ARHGEF28: variants seen among roughly 807,000 people sequenced by gnomAD.
ARHGEF28 encodes the protein 190 kDa guanine nucleotide exchange factor.
A neutral mutation model predicts 206.6 loss-of-function variants in ARHGEF28; 152 were observed. The ratio of observed to expected loss-of-function variants is 0.74; its 90% confidence interval spans 0.64 to 0.84. ARHGEF28 has a LOEUF of 0.84. Ranked by LOEUF, ARHGEF28 falls within the 40% of genes least tolerant of loss-of-function variation. ARHGEF28 has a pLI of 0.00. For missense variants in ARHGEF28, 2,028 were observed against 2,073.2 expected (o/e 0.98, Z 0.42); for synonymous variants, 763 against 776.4 (o/e 0.98, Z 0.29).
At chr5:73,663,783 A>G (rs186590602) in intron 1 of ARHGEF28, among the ~76,000 whole-genome samples, 199 of 152,330 alleles carry the variant, frequency 1.3e-3, no homozygotes, top group Non-Finnish European at 1.5e-3. Flanking sequence ...GGAGTGTTGT[A>G]GGAAAGTTCT....
intron 35 of ARHGEF28, among the ~76,000 whole-genome samples, chr5:73,911,883 A>T (rs113272982): frequency 2.9e-4 from 44 of 152,276 alleles, no homozygotes; most frequent in African/African-American, 9.6e-4. Flanking sequence ...AAGCAACTTG[A>T]TATTTACTCC....
intron 4 of ARHGEF28, among the ~76,000 whole-genome samples, chr5:73,762,584 A>G (rs1023614732): frequency 1.3e-5 from 2 of 152,170 alleles, no homozygotes; most frequent in African/African-American, 4.8e-5. Context: ...ACAGGTATAT[A>G]AGTATTACAT....
chr5:73,853,329 GC>G (rs1198364635), intron 14 of ARHGEF28, among the ~76,000 whole-genome samples: 9 of 152,202 alleles, frequency 5.9e-5, no homozygotes, highest in African/African-American at 2.2e-4. Context: ...CTGTGAAATA[GC>G]CCCAGGGTTG....
chr5:73,716,132 T>A (rs940106730), intron 2 of ARHGEF28, among the ~76,000 whole-genome samples: 1 of 152,210 alleles, frequency 6.6e-6, no homozygotes, highest in Non-Finnish European at 1.5e-5. Flanking sequence ...AAGACTAATT[T>A]TTTTTTTATG....
intron 7 of ARHGEF28, among the ~76,000 whole-genome samples, chr5:73,783,473 G>A (rs182121951): frequency 6.6e-6 from 1 of 152,040 alleles, no homozygotes; most frequent in Non-Finnish European, 1.5e-5. Flanking sequence ...ATGGCTGTAC[G>A]TGAAGCAAGT....
At chr5:73,768,312 G>A (rs533399140) in intron 4 of ARHGEF28, among the ~76,000 whole-genome samples, 2 of 152,162 alleles carry the variant, frequency 1.3e-5, no homozygotes, top group East Asian at 1.9e-4. Flanking sequence ...GACAGCTTGC[G>A]CTGTGTGCCT....
At chr5:73,687,554 C>A (rs1481357008) in intron 2 of ARHGEF28, among the ~76,000 whole-genome samples, 1 of 151,926 alleles carries the variant, frequency 6.6e-6, no homozygotes, top group Non-Finnish European at 1.5e-5. Context: ...CAAAATCTAC[C>A]AAATGGGTAA....
At chr5:73,707,503 C>G (rs1297783692) in intron 2 of ARHGEF28, among the ~76,000 whole-genome samples, 1 of 152,162 alleles carries the variant, frequency 6.6e-6, no homozygotes, top group Middle Eastern at 3.4e-3. Flanking sequence ...AAAGAGCAGG[C>G]CTATAAATGG....
intron 9 of ARHGEF28, among the ~76,000 whole-genome samples, chr5:73,825,311 AAGTG>A (rs1372102990): frequency 6.6e-6 from 1 of 152,198 alleles, no homozygotes; most frequent in Non-Finnish European, 1.5e-5. Context: ...GATGAGAAGA[AAGTG>A]AGAAAGCAAG....
At chr5:73,814,857 A>G (rs1756086077) in intron 9 of ARHGEF28, among the ~76,000 whole-genome samples, 1 of 152,174 alleles carries the variant, frequency 6.6e-6, no homozygotes, top group African/African-American at 2.4e-5. Flanking sequence ...GGCCAACCCC[A>G]GGAATAAGAT....
chr5:73,812,628 G>A (rs754490906), intron 9 of ARHGEF28, among the ~76,000 whole-genome samples: 10 of 152,158 alleles, frequency 6.6e-5, no homozygotes, highest in Non-Finnish European at 1.2e-4. Flanking sequence ...TTATGGGGAG[G>A]CAGTAATGAG....
rs2931421 is a variant in ARHGEF28 at position 73,868,436 on chromosome 5, C to T, written c.2425+209C>T. 0.63 allele frequency among the ~76,000 whole-genome samples: 95,251 copies of T among 151,850 alleles called. 30,486 individuals carry two copies. The highest frequency in any genetic ancestry group is 0.75 in the African/African-American group (31,155 of 41,424). The stretch of plus-strand genomic sequence containing the variant: ...CCAGAGAGTGACCAAGGAAATATGA[C>T]GTAAATTTTAAATAGACATATTACT... On this transcript the variant is annotated intron_variant, in intron 20 of 35. Coordinates refer to ENST00000513042, the MANE Select transcript of ARHGEF28 (RefSeq NM_001177693.2).
At chr5:73,757,536 A>G (rs1478891978) in intron 4 of ARHGEF28, among the ~76,000 whole-genome samples, 1 of 152,034 alleles carries the variant, frequency 6.6e-6, no homozygotes, top group African/African-American at 2.4e-5. Flanking sequence ...TCAATCATTG[A>G]GAGTTATTAG....
intron 35 of ARHGEF28, among the ~76,000 whole-genome samples, chr5:73,926,984 A>C (rs901975272): frequency 6.6e-6 from 1 of 152,180 alleles, no homozygotes; most frequent in Non-Finnish European, 1.5e-5. Context: ...AGTTAATTAC[A>C]TGGTAATGCC....
At chr5:73,870,884 C>T in intron 21 of ARHGEF28, among the ~76,000 whole-genome samples, 1 of 152,190 alleles carries the variant, frequency 6.6e-6, no homozygotes, top group Non-Finnish European at 1.5e-5. Flanking sequence ...AGATACCCTA[C>T]TTTAAAGATA....
In ARHGEF28 at chr5:73,927,300, C is replaced by T. The variant is rs940733725; in HGVS notation, c.4949-13544C>T. Among the ~76,000 whole-genome samples the T allele has an allele frequency of 4.0e-4, 61 of 152,140 alleles. 1 individual carries two copies. Among genetic ancestry groups the T allele is most frequent in the African/African-American group, 1.3e-3 (53 of 41,422 alleles). On this transcript the variant is annotated intron_variant, in intron 35 of 35. Transcript: ENST00000513042. ...GCTGAGGCAGGAGGATCACATGAGC[C>T]TGGGAGGCTGCAGTAAGCTGTGGTC...
Position 73,827,326 on chromosome 5 carries a change from CATT to C in ARHGEF28, c.1025-5009_1025-5007del, listed in dbSNP as rs146465791. ...CCTTGGGTTGTTTTTGAATGTGTAACATTATAGCAGGGGTTGAAATTATTTTTA... is the reference window on the plus strand; with the variant it reads ...CCTTGGGTTGTTTTTGAATGTGTAACATAGCAGGGGTTGAAATTATTTTTA... On this transcript the variant is annotated intron_variant, in intron 9 of 35. Transcript: ENST00000513042. Among the ~76,000 whole-genome samples, 403 of 152,182 alleles carry C rather than the reference CATT, an allele frequency of 2.6e-3. 1 individual carries two copies. Among genetic ancestry groups the C allele is most frequent in the African/African-American group, 9.3e-3 (388 of 41,518 alleles).
chr5:73,699,183 ATG>A, intron 2 of ARHGEF28, among the ~76,000 whole-genome samples: 1 of 150,028 alleles, frequency 6.7e-6, no homozygotes, highest in South Asian at 2.1e-4. Context: ...GTGTGTGTGT[ATG>A]TGTGTTTGTG....
At chr5:73,822,214 C>G (rs1377380451) in intron 9 of ARHGEF28, among the ~76,000 whole-genome samples, 1 of 152,160 alleles carries the variant, frequency 6.6e-6, no homozygotes, top group Non-Finnish European at 1.5e-5. Context: ...CCCAGCACCT[C>G]TGGAATCCAC....
Sources: allele counts gnomAD v4.1 joint callset (sites outside exome capture counted in the v4.1 genomes callset), GRCh38; gene constraint gnomAD v4.1.1; transcripts MANE v1.5; gene names NCBI Gene and HGNC (gene_info 2026-07-23, HGNC 2026-07-21).